Variants in RTN1 observed in about 807,000 individuals in gnomAD.
RTN1 encodes reticulon-1.
A neutral mutation model predicts 65.5 loss-of-function variants in RTN1; 25 were observed. The observed-to-expected ratio is 0.38, with a 90% CI of 0.28 to 0.53. The LOEUF (loss-of-function observed/expected upper bound fraction) is 0.53. RTN1 is among the 20% of genes least tolerant of loss of function. RTN1 has a pLI of 0.79. For missense variants in RTN1, 983 were observed against 1,025.4 expected (o/e 0.96, Z 0.57); for synonymous variants, 471 against 447.6 (o/e 1.05, Z -0.66).
At chr14:59,664,187 A>T (rs1461243173) in intron 3 of RTN1, among the ~76,000 whole-genome samples, 1 of 152,156 alleles carries the variant, frequency 6.6e-6, no homozygotes, top group African/African-American at 2.4e-5. Context: ...TGAAGCTGGA[A>T]ACCATCATTC....
At chr14:59,679,045 T>C (rs1883688533) in intron 3 of RTN1, among the ~76,000 whole-genome samples, 1 of 152,200 alleles carries the variant, frequency 6.6e-6, no homozygotes, top group African/African-American at 2.4e-5. Context: ...TCTTGGCTCC[T>C]GGCAGAGTGA....
intron 3 of RTN1, among the ~76,000 whole-genome samples, chr14:59,654,051 G>A (rs1302450835): frequency 6.6e-6 from 1 of 152,050 alleles, no homozygotes; most frequent in Non-Finnish European, 1.5e-5. Flanking sequence ...GAAAAACTCA[G>A]TTCCAGATGG....
chr14:59,707,733 AC>A, intron 3 of RTN1, among the ~76,000 whole-genome samples: 1 of 151,984 alleles, frequency 6.6e-6, no homozygotes, highest in African/African-American at 2.4e-5. Flanking sequence ...ACACACACAC[AC>A]ACACACACAA....
intron 1 of RTN1, among the ~76,000 whole-genome samples, chr14:59,777,393 A>G (rs1886072119): frequency 6.6e-6 from 1 of 152,134 alleles, no homozygotes; most frequent in Non-Finnish European, 1.5e-5. Context: ...AATAGACCAG[A>G]TTATATTTGC....
Position 59,746,207 on chromosome 14 carries a change from AG to A in RTN1, c.515del (p.Pro172LeufsTer7), listed in dbSNP as rs1383689887. On this transcript the variant is annotated frameshift_variant, in exon 2 of 9. Coordinates refer to ENST00000267484, the MANE Select transcript of RTN1 (RefSeq NM_021136.3). LOFTEE classifies it high-confidence loss of function. ...FSSDSGIEMT[P>X]AESTEVNKIL... ...TCTTGTTCACTTCCGTGGACTCTGC[AG>A]GAGTCATCTCTATTCCAGAATCAGA... 6.2e-7 allele frequency: 1 copy of A among 1,612,262 alleles called. No homozygotes were observed. The highest frequency in any genetic ancestry group is 8.5e-7 in the Non-Finnish European group (1 of 1,179,268).
intron 3 of RTN1, among the ~76,000 whole-genome samples, chr14:59,698,807 T>C (rs1884116921): frequency 6.6e-6 from 1 of 152,208 alleles, no homozygotes. Context: ...AAAATGTGCC[T>C]GAAAAACAAT....
intron 3 of RTN1, among the ~76,000 whole-genome samples, chr14:59,678,515 T>C (rs1293796606): frequency 6.6e-6 from 1 of 152,236 alleles, no homozygotes; most frequent in Non-Finnish European, 1.5e-5. Context: ...GATTGCAGCA[T>C]CCCTGTTTCT....
intron 3 of RTN1, among the ~76,000 whole-genome samples, chr14:59,620,334 G>C (rs1429260764): frequency 6.6e-6 from 1 of 152,120 alleles, no homozygotes; most frequent in East Asian, 1.9e-4. Flanking sequence ...GGCGGGGCTT[G>C]AAGAGGGTAG....
At chr14:59,635,793 C>A (rs1487816654) in intron 3 of RTN1, among the ~76,000 whole-genome samples, 1 of 152,032 alleles carries the variant, frequency 6.6e-6, no homozygotes, top group East Asian at 1.9e-4. Context: ...GTCATAAGTC[C>A]TCACTTAACA....
intron 1 of RTN1, among the ~76,000 whole-genome samples, chr14:59,770,498 A>T (rs1427021262): frequency 1.3e-5 from 2 of 151,914 alleles, no homozygotes; most frequent in African/African-American, 4.8e-5. Flanking sequence ...CAGTAAGGCC[A>T]GTTCAGTATT....
Position 59,613,428 on chromosome 14 carries a change from A to T in RTN1, c.1766-5936T>A, listed in dbSNP as rs1485134058. On this transcript the variant is annotated intron_variant, in intron 3 of 8. Coordinates refer to ENST00000267484, the MANE Select transcript of RTN1 (RefSeq NM_021136.3). ...ATTCTCTTGCCTCAGCCTCCCAAGT[A>T]GCTAGGACTATAGGTGCGCGCAAAC... Among the ~76,000 whole-genome samples, 3 of 152,070 alleles carry T rather than the reference A, an allele frequency of 2.0e-5. No individual in the cohort carries two copies. In the East Asian group the frequency reaches 5.8e-4, roughly 29 times the overall value.
intron 8 of RTN1, among the ~76,000 whole-genome samples, chr14:59,599,178 CTTA>C (rs1332384044): frequency 1.3e-5 from 2 of 152,166 alleles, no homozygotes; most frequent in Admixed American, 1.3e-4. Flanking sequence ...TACATACACC[CTTA>C]TTGTTACCCT....
chr14:59,736,699 C>T (rs941240903), intron 2 of RTN1, among the ~76,000 whole-genome samples: 2 of 152,160 alleles, frequency 1.3e-5, no homozygotes, highest in Admixed American at 6.5e-5. Flanking sequence ...CATCCTGATA[C>T]CAAAACCTGG....
rs142624097 is a variant in RTN1, at chr14:59,727,515, G to A, written c.1169C>T (p.Ser390Phe). The A allele has an allele frequency of 3.4e-5, 54 of 1,603,354 alleles. No homozygotes were observed. In the African/African-American group the frequency reaches 6.5e-4, roughly 19 times the overall value. The part of the protein sequence containing the change: ...LADRPEVKAR[S>F]GPPTIPSPLD... Reference sequence around the variant, plus strand: ...GGGGCTGGGGATGGTTGGCGGTCCGGACCTGGCCTTGACCTCGGGCCTGTC... The same window carrying A: ...GGGGCTGGGGATGGTTGGCGGTCCGAACCTGGCCTTGACCTCGGGCCTGTC... Residue 390 changes from serine (S) to phenylalanine (F), a missense_variant, in exon 3 of 9, where the codon TCC (serine) becomes TTC (phenylalanine). Around this residue, in one of 2 missense-constraint regions of RTN1, gnomAD observed 818 missense variants for 801.8 expected, o/e 1.02. Coordinates refer to ENST00000267484, the MANE Select transcript of RTN1 (RefSeq NM_021136.3). The surrounding 1 kb of genome is among the most constrained non-coding windows in gnomAD (Gnocchi z 4.2).
intron 3 of RTN1, among the ~76,000 whole-genome samples, chr14:59,644,506 G>T (rs1234390596): frequency 6.6e-6 from 1 of 152,168 alleles, no homozygotes. Flanking sequence ...GGCACACGTG[G>T]AGCCCCGGGA....
Position 59,826,768 on chromosome 14 carries a change from T to A in RTN1, c.241+43622A>T, listed in dbSNP as rs1459341923. 9.2e-5 allele frequency among the ~76,000 whole-genome samples: 14 copies of A among 152,322 alleles called. No homozygotes were observed. In the South Asian group the frequency reaches 2.9e-3, roughly 32 times the overall value. ...TACCTACTCTGTGCCAGGCTCTATA[T>A]CAGTCTCTAGGATATCATGGAAAAA... On this transcript the variant is annotated intron_variant, in intron 1 of 8. Transcript: ENST00000267484.
chr14:59,598,198 C>T (rs916141698), intron 8 of RTN1, among the ~76,000 whole-genome samples: 1 of 152,088 alleles, frequency 6.6e-6, no homozygotes, highest in African/African-American at 2.4e-5. Flanking sequence ...GAGAGGGGAA[C>T]AGTCTCAGGG....
At chr14:59,866,508 T>C (rs1420840779) in intron 1 of RTN1, among the ~76,000 whole-genome samples, 3 of 151,028 alleles carry the variant, frequency 2.0e-5, no homozygotes, top group Non-Finnish European at 4.4e-5. Flanking sequence ...CTTTATAATA[T>C]TTATCAATGT....
In RTN1 at chr14:59,849,224, G is replaced by A. The variant is rs576606294; in HGVS notation, c.241+21166C>T. 6.6e-6 allele frequency among the ~76,000 whole-genome samples: 1 copy of A among 152,188 alleles called. No individual in the cohort carries two copies. ...AAGCTAATCTAAGAAGGTATATAAA[G>A]TGTTTATCACAGTACCTGCCTGCCT... On this transcript the variant is annotated intron_variant, in intron 1 of 8. Coordinates refer to ENST00000267484, the MANE Select transcript of RTN1 (RefSeq NM_021136.3). This position sits in a 1 kb window ranked among gnomAD's most constrained non-coding sequence, Gnocchi z 4.5.
Sources: gnomAD v4.1 joint callset for allele counts (sites outside exome capture counted in the v4.1 genomes callset) on GRCh38, gnomAD v4.1.1 for gene constraint, gnomAD v4.1.1 regional missense constraint, Gnocchi (gnomAD v3.1) non-coding constraint, MANE v1.5 for transcripts, NCBI Gene and HGNC (gene_info 2026-07-23, HGNC 2026-07-21) for gene names.